The following DPP6 variants were observed in gnomAD, a reference collection of about 807,000 sequenced individuals.
DPP6 encodes dipeptidyl peptidase like 6, also known as A-type potassium channel modulatory protein DPP6.
Under a neutral mutation model 122.6 loss-of-function variants are expected in DPP6, and 69 were observed. That is an observed-to-expected ratio of 0.56 (90% confidence interval 0.46 to 0.69). DPP6 has a LOEUF of 0.69. Ranked by LOEUF, DPP6 falls within the 30% of genes least tolerant of loss-of-function variation. The probability of loss-of-function intolerance (pLI) is 0.00; values close to 1 mark genes in which losing one functional copy is unlikely to be tolerated. For missense variants in DPP6, 928 were observed against 1,116.9 expected (o/e 0.83, Z 2.41); for synonymous variants, 418 against 433.1 (o/e 0.97, Z 0.43).
intron 1 of DPP6, among the ~76,000 whole-genome samples, chr7:154,328,997 G>A (rs738051): frequency 0.85 from 129,656 of 152,250 alleles, 55,387 homozygotes; most frequent in East Asian, 0.93. Context: ...CTGTAAGTAG[G>A]GTTTTCCATC....
At chr7:154,381,951 G>A (rs1244459351) in intron 1 of DPP6, among the ~76,000 whole-genome samples, 1 of 152,182 alleles carries the variant, frequency 6.6e-6, no homozygotes, top group Non-Finnish European at 1.5e-5. Context: ...ATGACACAGA[G>A]AGGCCCTGTG....
chr7:154,874,543 A>G (rs1295865005), intron 19 of DPP6, among the ~76,000 whole-genome samples: 1 of 152,154 alleles, frequency 6.6e-6, no homozygotes, highest in African/African-American at 2.4e-5. Flanking sequence ...TCCAAAAGAA[A>G]ACAAAGGCAC....
intron 1 of DPP6, among the ~76,000 whole-genome samples, chr7:154,352,564 CTA>C (rs1223293655): frequency 6.6e-6 from 1 of 151,996 alleles, no homozygotes; most frequent in African/African-American, 2.4e-5. Flanking sequence ...TCTCAGCAAA[CTA>C]AAACAGGAAC....
chr7:154,465,644 AAACCAC>A (rs1372781741), intron 2 of DPP6, among the ~76,000 whole-genome samples: 2 of 152,262 alleles, frequency 1.3e-5, no homozygotes, highest in African/African-American at 4.8e-5. Context: ...ATGCAAATCA[AAACCAC>A]AATGAGATAC....
chr7:153,903,142 A>C (rs1799709175), intron 1 of DPP6, among the ~76,000 whole-genome samples: 1 of 152,202 alleles, frequency 6.6e-6, no homozygotes, highest in African/African-American at 2.4e-5. Context: ...TGATGGAACT[A>C]TTCCCTCTTC....
the DPP6 span, among the ~76,000 whole-genome samples, chr7:153,857,960 C>T: frequency 6.6e-6 from 1 of 152,298 alleles, no homozygotes; most frequent in East Asian, 1.9e-4. Context: ...GTTGACTCCA[C>T]TTTCCTCTAG....
At chr7:154,664,819 A>G (rs1031152380) in intron 6 of DPP6, among the ~76,000 whole-genome samples, 2 of 152,198 alleles carry the variant, frequency 1.3e-5, no homozygotes, top group African/African-American at 4.8e-5. Flanking sequence ...GACACAGAAA[A>G]GTTGCAAAAG....
chr7:154,591,484 G>A (rs892911029), intron 5 of DPP6, among the ~76,000 whole-genome samples: 5 of 152,138 alleles, frequency 3.3e-5, no homozygotes, highest in Non-Finnish European at 7.4e-5. Context: ...TTATGGTAGT[G>A]ATAATGATCA....
chr7:154,623,480 T>C (rs911056479), intron 5 of DPP6, among the ~76,000 whole-genome samples: 3 of 152,130 alleles, frequency 2.0e-5, no homozygotes, highest in Non-Finnish European at 4.4e-5. Flanking sequence ...ATACTTCAAA[T>C]AATAAAAATG....
At chr7:154,404,494 T>G (rs1445739112) in intron 1 of DPP6, among the ~76,000 whole-genome samples, 2 of 151,918 alleles carry the variant, frequency 1.3e-5, no homozygotes, top group Non-Finnish European at 2.9e-5. Flanking sequence ...GCTACGGGAG[T>G]GCCCATATGA....
intron 16 of DPP6, among the ~76,000 whole-genome samples, chr7:154,852,049 G>C (rs1802427783): frequency 6.6e-6 from 1 of 152,188 alleles, no homozygotes; most frequent in Non-Finnish European, 1.5e-5. Context: ...CCTCTCAAGG[G>C]TAGAGGACTC....
chr7:154,795,467 T>C (rs1488689961), intron 11 of DPP6, among the ~76,000 whole-genome samples: 1 of 152,226 alleles, frequency 6.6e-6, no homozygotes, highest in Non-Finnish European at 1.5e-5. Flanking sequence ...CAATGTCCAA[T>C]GTTCTGACTC....
intron 1 of DPP6, among the ~76,000 whole-genome samples, chr7:154,162,884 C>A (rs1446271466): frequency 6.6e-6 from 1 of 151,290 alleles, no homozygotes; most frequent in African/African-American, 2.4e-5. Flanking sequence ...AACTTGACAC[C>A]CAGAATGCAT....
chr7:154,431,507 T>A (rs1818407648), intron 1 of DPP6, among the ~76,000 whole-genome samples: 2 of 82,546 alleles, frequency 2.4e-5, no homozygotes, highest in African/African-American at 4.3e-5. Context: ...TTTTCTTTTC[T>A]TTCTTTTATT....
At chr7:154,372,813 G>A (rs115563890) in intron 1 of DPP6, among the ~76,000 whole-genome samples, 1,552 of 152,186 alleles carry the variant, frequency 0.01, 32 homozygotes, top group African/African-American at 0.036. Context: ...AGTGTAAGTC[G>A]GCATACAGGG....
chr7:154,674,220 G>A lies in DPP6; in HGVS notation c.762+4779G>A, dbSNP rs374447360. Among the ~76,000 whole-genome samples the A allele has an allele frequency of 4.3e-4, 66 of 152,234 alleles. 1 individual carries two copies. The South Asian group carries it at 0.013, about 30-fold the overall frequency. ...GATCTTTTCATGAAGTCCTGCCCCC[G>A]ACCATGTGTTTGTCTGTTTATGGGA... On this transcript the variant is annotated intron_variant, in intron 7 of 25. Coordinates refer to ENST00000377770, the MANE Select transcript of DPP6 (RefSeq NM_130797.4).
intron 16 of DPP6, among the ~76,000 whole-genome samples, chr7:154,813,833 AATC>A (rs1799231635): frequency 6.6e-6 from 1 of 150,840 alleles, no homozygotes; most frequent in African/African-American, 2.4e-5. Flanking sequence ...TAAAAGAAAT[AATC>A]TTCTATTTGT....
At chr7:153,849,269 T>C in the DPP6 span, among the ~76,000 whole-genome samples, 1 of 138,272 alleles carries the variant, frequency 7.2e-6, no homozygotes, top group Non-Finnish European at 1.6e-5. Context: ...GAGACATATA[T>C]GTTTTCTTTT....
At chr7:154,766,084 G>T (rs764743153) in intron 8 of DPP6, among the ~76,000 whole-genome samples, 1 of 152,092 alleles carries the variant, frequency 6.6e-6, no homozygotes, top group African/African-American at 2.4e-5. Context: ...AGCAACTAAC[G>T]TACAGGAAAA....
Sources: allele counts gnomAD v4.1 joint callset (sites outside exome capture counted in the v4.1 genomes callset), GRCh38; gene constraint gnomAD v4.1.1; transcripts MANE v1.5; gene names NCBI Gene and HGNC (gene_info 2026-07-23, HGNC 2026-07-21).